The following DST variants were observed in gnomAD, a reference collection of about 807,000 sequenced individuals.
The protein encoded by DST is dystonin.
Under a neutral mutation model 875.2 loss-of-function variants are expected in DST, and 253 were observed. That is an observed-to-expected ratio of 0.29 (90% CI 0.26 to 0.32). The LOEUF (loss-of-function observed/expected upper bound fraction) is 0.32. Ranked by LOEUF, DST falls within the 10% of genes least tolerant of loss-of-function variation. The pLI, the probability that DST is intolerant of heterozygous loss-of-function variation, is 1.00. For synonymous variants in DST, 3,124 were observed against 3,197.1 expected, an observed-to-expected ratio of 0.98 and a Z score of 0.77; for missense variants, 8,287 against 9,111.6, an observed-to-expected ratio of 0.91 and a Z score of 3.68.
At chr6:56,884,834 T>C (rs976428014) in intron 3 of DST, among the ~76,000 whole-genome samples, 4 of 152,230 alleles carry the variant, frequency 2.6e-5, no homozygotes, top group Non-Finnish European at 5.9e-5. Flanking sequence ...GTTCACACCA[T>C]TCTCCTGCCT....
At chr6:56,670,531 AT>A (rs2099096176) in intron 10 of DST, 109 bp downstream of exon 10, 3 of 860,384 alleles carry the variant, frequency 3.5e-6, no homozygotes, top group African/African-American at 1.8e-5. Context: ...GTATTTTCTA[AT>A]TTTTTGCCAT....
At chr6:56,547,201 C>T (rs1250594587) in intron 61 of DST, among the ~76,000 whole-genome samples, 2 of 152,072 alleles carry the variant, frequency 1.3e-5, no homozygotes, top group Non-Finnish European at 2.9e-5. Flanking sequence ...ACCTGTTATG[C>T]CTAGTTTGTG....
intron 55 of DST, among the ~76,000 whole-genome samples, chr6:56,566,498 C>A (rs1435249237): frequency 1.3e-5 from 2 of 152,230 alleles, no homozygotes; most frequent in Non-Finnish European, 2.9e-5. Context: ...ACACCCCACC[C>A]TGCTTCTGCT....
Position 56,493,065 on chromosome 6 carries a change from A to C in DST, c.20419T>G (p.Leu6807Val), listed in dbSNP as rs1021558083. 6.2e-7 allele frequency: 1 copy of C among 1,611,892 alleles called. No individual in the cohort carries two copies. ...RKTKLEEALNLAMEFHNSLQD... is the reference protein window; with the variant it reads ...RKTKLEEALNVAMEFHNSLQD... ...AGAGAATTGTGGAACTCCATTGCCA[A>C]GTTGAGAGCCTCTTCCAGTTTAGTC... is the stretch of plus-strand genomic sequence containing the variant. The change falls in exon 84 of 104, where the codon TTG (leucine) becomes GTG (valine). Residue 6807 changes from leucine (L) to valine (V), a missense_variant. Transcript: ENST00000680361.
At chr6:56,482,244 A>G (rs1582708055) in intron 89 of DST, 66 bp from the exon 90 acceptor site, 1 of 1,546,986 alleles carries the variant, frequency 6.5e-7, no homozygotes, top group Non-Finnish European at 8.7e-7. Context: ...CACAATTTAC[A>G]AAACTGTATA....
chr6:56,514,606 C>CACACACACACACACACAA (rs1554275995), intron 72 of DST, among the ~76,000 whole-genome samples: 38 of 146,746 alleles, frequency 2.6e-4, no homozygotes, highest in African/African-American at 9.1e-4. Flanking sequence ...CACACACACA[C>CACACACACACACACACAA]ACACACCCCC....
chr6:56,899,673 C>T (rs1793111136), intron 3 of DST, among the ~76,000 whole-genome samples: 1 of 152,168 alleles, frequency 6.6e-6, no homozygotes, highest in South Asian at 2.1e-4. Context: ...CATAAAATTA[C>T]TTTACAAGTT....
chr6:56,922,934 T>C (rs1805046351), intron 2 of DST, among the ~76,000 whole-genome samples: 1 of 151,286 alleles, frequency 6.6e-6, no homozygotes, highest in Admixed American at 6.6e-5. Flanking sequence ...ATTAAGAAGC[T>C]AAAAATAACT....
At chr6:56,668,874 A>AGG (rs531178089) in intron 10 of DST, among the ~76,000 whole-genome samples, 1 of 152,052 alleles carries the variant, frequency 6.6e-6, no homozygotes, top group Non-Finnish European at 1.5e-5. Flanking sequence ...CAAAATAAAA[A>AGG]GGGAGAAAGA....
At chr6:56,577,588 A>G (rs7772239) in intron 50 of DST, among the ~76,000 whole-genome samples, 65,740 of 152,064 alleles carry the variant, frequency 0.43, 14,747 homozygotes, top group African/African-American at 0.51. Flanking sequence ...GAAAGACAGG[A>G]TTTCCCTTTT....
In DST at chr6:56,492,250, C is replaced by G. The variant is rs1425840364; in HGVS notation, c.20734G>C (p.Asp6912His). 1 of 1,613,786 alleles carries G rather than the reference C, an allele frequency of 6.2e-7. No individual in the cohort carries two copies. Among genetic ancestry groups the G allele is most frequent in the South Asian group, 1.1e-5 (1 of 91,066 alleles). ...ACCTGCTTGGCTCTCTTCCTTGCAT[C>G]ATCCAAAGATCTTCCTCTCTCTACC... is the stretch of plus-strand genomic sequence containing the variant. ...RLVERGRSLD[D>H]ARKRAKQFHE... Residue 6912 changes from aspartate to histidine, a missense_variant, in exon 85 of 104, where the codon GAT becomes CAT. Around this residue, in one of 10 missense-constraint regions of DST, gnomAD observed 1,292 missense variants for 1,552.7 expected, o/e 0.83. Coordinates refer to ENST00000680361, the MANE Select transcript of DST (RefSeq NM_001374736.1).
intron 8 of DST, among the ~76,000 whole-genome samples, chr6:56,701,125 A>G (rs1057349375): frequency 4.6e-5 from 7 of 151,868 alleles, no homozygotes; most frequent in Non-Finnish European, 7.4e-5. Flanking sequence ...GATTACTGGC[A>G]TGAGCCACCA....
At chr6:56,666,807 C>T (rs1195270227) in intron 10 of DST, among the ~76,000 whole-genome samples, 2 of 149,562 alleles carry the variant, frequency 1.3e-5, no homozygotes, top group African/African-American at 4.9e-5. Flanking sequence ...ACAGTCACAA[C>T]TCACTGCAGC....
intron 72 of DST, 119 bp from the exon 73 acceptor site, chr6:56,511,519 G>A (rs1332092537): frequency 4.0e-6 from 3 of 753,472 alleles, no homozygotes; most frequent in Non-Finnish European, 6.5e-6. Context: ...CCCATCACAA[G>A]GCATTTAACA....
chr6:56,759,543 T>C lies in DST; in HGVS notation c.626-24254A>G, dbSNP rs2099612451. On this transcript the variant is annotated intron_variant, in intron 4 of 103. Transcript: ENST00000680361. ...ACAGCTACAGGAATGACTTTGTAGT[T>C]TTAATTTATTTGATATTATTAACTG... Among the ~76,000 whole-genome samples the C allele has an allele frequency of 2.0e-5, 3 of 152,192 alleles. 1 individual carries two copies. The South Asian group carries it at 6.2e-4, about 32-fold the overall frequency.
chr6:56,620,199 T>G, intron 36 of DST: 1 of 1,613,734 alleles, frequency 6.2e-7, no homozygotes, highest in Non-Finnish European at 8.5e-7. Flanking sequence ...TCTCTCTTTC[T>G]TCTTAATTCT....
Position 56,466,203 on chromosome 6 carries a change from G to A in DST, c.22570-8C>T. 6.4e-7 allele frequency: 1 copy of A among 1,569,966 alleles called. No homozygotes were observed. The highest frequency in any genetic ancestry group is 8.6e-7 in the Non-Finnish European group (1 of 1,157,012). ...TTGCTGGGAGTCTCCAAACTGTTCA[G>A]TGAAGAAAGAAAGAACCTCTAGTTG... On this transcript the variant is annotated splice_region_variant and splice_polypyrimidine_tract_variant and intron_variant, in intron 98 of 103. Coordinates refer to ENST00000680361, the MANE Select transcript of DST (RefSeq NM_001374736.1).
intron 23 of DST, 131 bp downstream of exon 23, chr6:56,636,426 G>GTATATATATACACACATATATGTGTA: frequency 2.9e-6 from 2 of 695,720 alleles, no homozygotes. Context: ...ACATATATGT[G>GTATATATATACACACATATATGTGTA]TATATATATA....
intron 9 of DST, among the ~76,000 whole-genome samples, chr6:56,679,685 T>TC: frequency 6.7e-6 from 1 of 150,218 alleles, no homozygotes; most frequent in East Asian, 2.0e-4. Context: ...GGTGGGAGGA[T>TC]CACCTGGGCC....
Sources: allele counts gnomAD v4.1 joint callset (sites outside exome capture counted in the v4.1 genomes callset), GRCh38; gene constraint gnomAD v4.1.1; regional missense constraint gnomAD v4.1.1; transcripts MANE v1.5; gene names NCBI Gene and HGNC (gene_info 2026-07-23, HGNC 2026-07-21).